PLXNC1: variants seen among roughly 807,000 people sequenced by gnomAD.
The protein encoded by PLXNC1 is plexin-C1.
In PLXNC1, 75 loss-of-function variants were observed where a neutral mutation model predicts 178.2. The ratio of observed to expected loss-of-function variants is 0.42; its 90% confidence interval spans 0.35 to 0.51. PLXNC1 has a LOEUF of 0.51. Among genes scored for constraint, PLXNC1 ranks in the 20% least tolerant of loss-of-function variants. PLXNC1 has a pLI of 0.02. For missense variants in PLXNC1, 1,503 were observed against 1,984.4 expected (o/e 0.76, Z 4.61); for synonymous variants, 790 against 779.9 (o/e 1.01, Z -0.22).
chr12:94,295,025 G>A (rs961437071), intron 24 of PLXNC1, among the ~76,000 whole-genome samples: 13 of 152,212 alleles, frequency 8.5e-5, no homozygotes, highest in African/African-American at 3.1e-4. Context: ...GAACTTTTAT[G>A]GGAAAGTCAA....
intron 11 of PLXNC1, among the ~76,000 whole-genome samples, chr12:94,243,685 G>A (rs188667061): frequency 2.2e-3 from 341 of 152,258 alleles, no homozygotes; most frequent in African/African-American, 8.0e-3. Flanking sequence ...AAGAATCTGG[G>A]CATTTTCCTA....
At chr12:94,197,935 A>G (rs1275868083) in intron 4 of PLXNC1, among the ~76,000 whole-genome samples, 3 of 152,158 alleles carry the variant, frequency 2.0e-5, no homozygotes, top group Non-Finnish European at 4.4e-5. Flanking sequence ...AGTCAGAGAA[A>G]ACCCTCCATC....
At chr12:94,251,381 A>C in intron 14 of PLXNC1, 45 bp from the exon 15 acceptor site, 2 of 1,098,760 alleles carry the variant, frequency 1.8e-6, no homozygotes. Flanking sequence ...AAATAAATAC[A>C]GTCCCCAACT....
chr12:94,254,332 G>A (rs1260290335), intron 15 of PLXNC1: 1 of 364,122 alleles, frequency 2.7e-6, no homozygotes, highest in Non-Finnish European at 5.4e-6. Flanking sequence ...TTTGGCCCAT[G>A]TAGCCAACTG....
intron 4 of PLXNC1, among the ~76,000 whole-genome samples, chr12:94,204,727 T>A (rs1032943524): frequency 6.6e-6 from 1 of 152,266 alleles, no homozygotes; most frequent in Admixed American, 6.5e-5. Context: ...CACTGGGCTC[T>A]GTGCCTTCCC....
chr12:94,152,854 G>T (rs1961010185), intron 1 of PLXNC1, among the ~76,000 whole-genome samples: 1 of 152,054 alleles, frequency 6.6e-6, no homozygotes, highest in Admixed American at 6.6e-5. Flanking sequence ...CTCTCCTTCA[G>T]CTTCTGCTAA....
intron 23 of PLXNC1, among the ~76,000 whole-genome samples, chr12:94,293,795 T>C (rs190478273): frequency 1.3e-5 from 2 of 152,058 alleles, no homozygotes; most frequent in East Asian, 3.9e-4. Flanking sequence ...ATTAAAAAAA[T>C]TTTTTTTATA....
intron 21 of PLXNC1, among the ~76,000 whole-genome samples, chr12:94,269,095 C>T (rs114718973): frequency 0.012 from 1,898 of 152,190 alleles, 47 homozygotes; most frequent in African/African-American, 0.043. Flanking sequence ...ATGAGAAAAA[C>T]CAATAACTCG....
intron 23 of PLXNC1, among the ~76,000 whole-genome samples, chr12:94,291,457 C>T (rs1253300084): frequency 6.6e-6 from 1 of 152,114 alleles, no homozygotes; most frequent in South Asian, 2.1e-4. Context: ...TCTTGAACTC[C>T]TAGGATCAAG....
intron 2 of PLXNC1, among the ~76,000 whole-genome samples, chr12:94,179,284 G>A (rs894146231): frequency 2.6e-5 from 4 of 152,176 alleles, no homozygotes; most frequent in Non-Finnish European, 4.4e-5. Context: ...GAAACCATGC[G>A]CCCAATGTGG....
intron 9 of PLXNC1, among the ~76,000 whole-genome samples, chr12:94,228,870 T>C (rs1431536169): frequency 1.3e-5 from 2 of 152,232 alleles, no homozygotes; most frequent in African/African-American, 4.8e-5. Context: ...AACGTGGGTG[T>C]GCTGCTATTT....
Position 94,282,445 on chromosome 12 carries a change from T to C in PLXNC1, c.3879+44T>C, listed in dbSNP as rs956807896. The C allele has an allele frequency of 6.4e-6, 8 of 1,254,474 alleles. No homozygotes were observed. The African/African-American group carries it at 1.0e-4, about 16-fold the overall frequency. 77.7% of individuals were successfully genotyped at this position (1,254,474 alleles called of 1,614,324 possible). The stretch of plus-strand genomic sequence containing the variant: ...CCCGTGTCTCCTTCCTCATCCCCAA[T>C]CCTAGTCCCATGGACATTCTTTTAA... On this transcript the variant is annotated intron_variant, in intron 23 of 30. Transcript: ENST00000258526.
rs1345755898 is a variant in PLXNC1 at position 94,307,155 on chromosome 12, T to A, written c.*1870T>A. 1.3e-5 allele frequency: 2 copies of A among 152,204 alleles called. No individual in the cohort carries two copies. Among genetic ancestry groups the A allele is most frequent in the Non-Finnish European group, 2.9e-5 (2 of 68,044 alleles). The allele number at this position is 152,204 out of a possible 1,614,324, so 9.4% of individuals were successfully genotyped here. ...CCTGTCCAGCTTTCTGGCACATGAG[T>A]CCTGTGTGGAGAGTTACCTCCTCTT... is the stretch of plus-strand genomic sequence containing the variant. On this transcript the variant is annotated 3_prime_UTR_variant, in exon 31 of 31. Transcript: ENST00000258526.
At chr12:94,275,533 G>T (rs1008017653) in intron 21 of PLXNC1, among the ~76,000 whole-genome samples, 1 of 152,196 alleles carries the variant, frequency 6.6e-6, no homozygotes, top group Non-Finnish European at 1.5e-5. Context: ...CTGACCCCAA[G>T]GGCCTTGACT....
At chr12:94,232,259 T>C (rs1176760073) in intron 9 of PLXNC1, among the ~76,000 whole-genome samples, 1 of 152,112 alleles carries the variant, frequency 6.6e-6, no homozygotes, top group African/African-American at 2.4e-5. Context: ...GCTAATTTTT[T>C]CCAATTTTTA....
Position 94,176,096 on chromosome 12 carries a change from G to T in PLXNC1, c.1204-5350G>T, listed in dbSNP as rs1592733467. Among the ~76,000 whole-genome samples, 4 of 152,270 alleles carry T rather than the reference G, an allele frequency of 2.6e-5. 1 individual carries two copies. The highest frequency in any genetic ancestry group is 2.6e-4 in the Admixed American group (4 of 15,298). ...GATAAAAATCCACATCGTGCCCAAG[G>T]ATTGTGTGTGTGAATTGGATGAGAT... On this transcript the variant is annotated intron_variant, in intron 2 of 30. Transcript: ENST00000258526.
intron 21 of PLXNC1, among the ~76,000 whole-genome samples, chr12:94,271,809 A>T (rs1338490272): frequency 6.6e-6 from 1 of 152,198 alleles, no homozygotes; most frequent in East Asian, 1.9e-4. Context: ...ACTAAGCAGA[A>T]AGTGTCCCGT....
intron 4 of PLXNC1, among the ~76,000 whole-genome samples, chr12:94,205,201 C>T (rs1023348203): frequency 2.0e-5 from 3 of 152,060 alleles, no homozygotes; most frequent in African/African-American, 7.2e-5. Context: ...AGAGGTGGGC[C>T]TCCCTGTTCT....
chr12:94,163,535 G>A (rs957381907), intron 1 of PLXNC1, among the ~76,000 whole-genome samples: 6 of 152,174 alleles, frequency 3.9e-5, no homozygotes, highest in Non-Finnish European at 7.3e-5. Flanking sequence ...GCGGGAAGAA[G>A]GAAGGATGAA....
Sources: allele counts gnomAD v4.1 joint callset (sites outside exome capture counted in the v4.1 genomes callset), GRCh38; gene constraint gnomAD v4.1.1; transcripts MANE v1.5; gene names NCBI Gene and HGNC (gene_info 2026-07-23, HGNC 2026-07-21).